PSD4: variants seen among roughly 807,000 people sequenced by gnomAD.
The protein encoded by PSD4 is PH and SEC7 domain-containing protein 4.
Under a neutral mutation model 112.5 loss-of-function variants are expected in PSD4, and 59 were observed. The ratio of observed to expected loss-of-function variants is 0.52; its 90% CI spans 0.43 to 0.65. The LOEUF (loss-of-function observed/expected upper bound fraction) is 0.65. Ranked by LOEUF, PSD4 falls within the 30% of genes least tolerant of loss-of-function variation. PSD4 has a pLI of 0.00. For missense variants in PSD4, 1,267 were observed against 1,352.6 expected, an observed-to-expected ratio of 0.94 and a Z score of 0.99; for synonymous variants, 533 against 540.0, an observed-to-expected ratio of 0.99 and a Z score of 0.18.
chr2:113,199,548 A>G (rs557555593), intron 16 of PSD4, among the ~76,000 whole-genome samples: 1 of 152,306 alleles, frequency 6.6e-6, no homozygotes, highest in South Asian at 2.1e-4. Flanking sequence ...CTAAGAGTAT[A>G]TTTGGCTTTT....
intron 5 of PSD4, 125 bp downstream of exon 5, chr2:113,186,380 T>C: frequency 9.4e-7 from 1 of 1,065,470 alleles, no homozygotes; most frequent in Non-Finnish European, 1.3e-6. Flanking sequence ...TAAGCAAGGA[T>C]TATATGAGTG....
rs948260080 is a variant in PSD4 at position 113,207,867 on chromosome 2, G to C, written c.*6452G>C. ...TCCCCAGGGCCTGATATCTAGAGTC[G>C]AAAGAATGCACATCTCAAAACTATG... On this transcript the variant is annotated 3_prime_UTR_variant, in exon 17 of 17. Transcript: ENST00000245796. The C allele has an allele frequency of 6.6e-6, 1 of 152,082 alleles. No homozygotes were observed. Among genetic ancestry groups the C allele is most frequent in the Admixed American group, 6.6e-5 (1 of 15,258 alleles). 9.4% of individuals were successfully genotyped at this position (152,082 alleles called of 1,614,324 possible).
rs1688618907 is a variant in PSD4, at chr2:113,196,477, G to A, written c.2386+170G>A. ...GAACAGTGACCATGTGCTGGATGCTGTGTGAGGCACTAGAGGGTAGGTAGG... is the reference window on the plus strand; with the variant it reads ...GAACAGTGACCATGTGCTGGATGCTATGTGAGGCACTAGAGGGTAGGTAGG... On this transcript the variant is annotated intron_variant, in intron 12 of 16. Transcript: ENST00000245796. 14 of 856,168 alleles carry A rather than the reference G, an allele frequency of 1.6e-5. No homozygotes were observed. In the South Asian group the frequency reaches 2.0e-4, roughly 12 times the overall value. 53.0% of individuals were successfully genotyped at this position (856,168 alleles called of 1,614,324 possible). A position where few individuals can be genotyped will look rare whatever the true frequency, so the allele number is the denominator to read the frequency against.
At chr2:113,196,361 G>A in intron 12 of PSD4, 54 bp downstream of exon 12, 1 of 1,570,914 alleles carries the variant, frequency 6.4e-7, no homozygotes, top group South Asian at 1.2e-5. Context: ...GCCCTGCTCA[G>A]GGACCTGTGC....
chr2:113,202,757 C>CT lies in PSD4; in HGVS notation c.*1343dup, dbSNP rs1374834272. 1 of 152,504 alleles carries CT rather than the reference C, an allele frequency of 6.6e-6. No individual in the cohort carries two copies. 9.4% of individuals were successfully genotyped at this position (152,504 alleles called of 1,614,324 possible). On this transcript the variant is annotated 3_prime_UTR_variant, in exon 17 of 17. Coordinates refer to ENST00000245796, the MANE Select transcript of PSD4 (RefSeq NM_012455.3). ...ACACACTGCCTCCCCAGCCTTCCTG[C>CT]TAGGCCACCCTCCTCCCTTCCCATG...
At position 113,183,219 on chromosome 2, in the gene PSD4, C is replaced by T. The variant is rs1454818105; in HGVS notation, c.763C>T (p.Pro255Ser). The change falls in exon 2 of 17, where the codon CCT (proline) becomes TCT (serine). Residue 255 changes from proline (P) to serine (S), a missense_variant. Pro to Ser is a moderately conservative substitution (Grantham distance 74). Transcript: ENST00000245796. ...FFSNPLFLAS[P>S]CSENSASGEC... ...CAGCAACCCCCTCTTCCTGGCGAGT[C>T]CTTGCTCAGAGAACAGTGCTTCTGG... The T allele has an allele frequency of 1.2e-6, 2 of 1,614,214 alleles. No homozygotes were observed. The highest frequency in any genetic ancestry group is 2.2e-5 in the East Asian group (1 of 44,884).
Position 113,196,130 on chromosome 2 carries a change from G to A in PSD4, c.2226-17G>A, listed in dbSNP as rs1319541784. 4 of 1,600,494 alleles carry A rather than the reference G, an allele frequency of 2.5e-6. No individual in the cohort carries two copies. The highest frequency in any genetic ancestry group is 3.4e-6 in the Non-Finnish European group (4 of 1,168,916). On this transcript the variant is annotated splice_polypyrimidine_tract_variant and intron_variant, in intron 11 of 16. Transcript: ENST00000245796. Reference sequence around the variant, plus strand: ...TTTGCATAGTCAGCACTTCCAGCCCGATTCTCTGATGTTCAGGGATGAAGA... The same window carrying A: ...TTTGCATAGTCAGCACTTCCAGCCCAATTCTCTGATGTTCAGGGATGAAGA...
At position 113,203,843 on chromosome 2, in the gene PSD4, AACC is replaced by A. The variant is rs1212148629; in HGVS notation, c.*2434_*2436del. 6.6e-6 allele frequency: 1 copy of A among 152,328 alleles called. No homozygotes were observed. The highest frequency in any genetic ancestry group is 1.5e-5 in the Non-Finnish European group (1 of 68,180). The allele number at this position is 152,328 out of a possible 1,614,324, so 9.4% of individuals were successfully genotyped here. ...CCAAAGTGCTGGGATTACAGGCGTGAACCACCACACCTGGCCTATGCATCCTTA... is the reference window on the plus strand; with the variant it reads ...CCAAAGTGCTGGGATTACAGGCGTGAACCACACCTGGCCTATGCATCCTTA... On this transcript the variant is annotated 3_prime_UTR_variant, in exon 17 of 17. Transcript: ENST00000245796.
chr2:113,199,446 C>T (rs1175315252), intron 16 of PSD4, among the ~76,000 whole-genome samples: 1 of 152,268 alleles, frequency 6.6e-6, no homozygotes, highest in Admixed American at 6.5e-5. Context: ...TCCCCACGCA[C>T]TTAGGCCTGT....
chr2:113,194,014 G>C, intron 10 of PSD4, 66 bp downstream of exon 10: 3 of 1,508,250 alleles, frequency 2.0e-6, no homozygotes, highest in Non-Finnish European at 2.7e-6. Context: ...TTTGTTCCAA[G>C]GGAGATGCTG....
chr2:113,196,549 C>CT (rs1346302032), intron 12 of PSD4: 1 of 464,798 alleles, frequency 2.2e-6, no homozygotes, highest in Admixed American at 3.5e-5. Context: ...CCCAGAGTCC[C>CT]TGTAGTAAGG....
Position 113,193,320 on chromosome 2 carries a change from A to C in PSD4, c.1982A>C (p.Gln661Pro), listed in dbSNP as rs1463353048. The stretch of plus-strand genomic sequence containing the variant: ...CAGGAACGGGAGCGAATCCTCTACC[A>C]GTTCTCCAGACGCTTCCACCATTGC... ...ETQERERILYQFSRRFHHCNP... is the reference protein window; with the variant it reads ...ETQERERILYPFSRRFHHCNP... The change falls in exon 8 of 17, where the codon CAG (glutamine) becomes CCG (proline). Residue 661 changes from glutamine to proline, a missense_variant. Physicochemically the swap from Gln to Pro is moderately conservative, Grantham distance 76 (BLOSUM62 -1). Transcript: ENST00000245796. The C allele has an allele frequency of 2.5e-6, 4 of 1,601,412 alleles. No homozygotes were observed. In the African/African-American group the frequency reaches 4.1e-5, roughly 16 times the overall value.
At position 113,199,182 on chromosome 2, in the gene PSD4, G is replaced by C; in HGVS notation, c.2869G>C (p.Glu957Gln). The C allele has an allele frequency of 1.3e-6, 2 of 1,523,096 alleles. No homozygotes were observed. The highest frequency in any genetic ancestry group is 1.8e-6 in the Non-Finnish European group (2 of 1,138,282). 94.3% of individuals were successfully genotyped at this position (1,523,096 alleles called of 1,614,324 possible). ...GCCGGAGCGGCGGGGCCGTGGCCGC[G>C]AGCTGGAGGAGCACCGCCTGCGGAA... ...NLPERRGRGRELEEHRLRKEY... is the reference protein window; with the variant it reads ...NLPERRGRGRQLEEHRLRKEY... Residue 957 changes from glutamate (E) to glutamine (Q), a missense_variant, in exon 16 of 17, where the codon GAG becomes CAG. By Grantham distance (29) the Glu-to-Gln change is conservative. Transcript: ENST00000245796.
chr2:113,186,625 A>G (rs1221613696), intron 5 of PSD4, among the ~76,000 whole-genome samples: 1 of 152,218 alleles, frequency 6.6e-6, no homozygotes, highest in African/African-American at 2.4e-5. Context: ...AGGGAAGTGC[A>G]AGGTCAGAGC....
In PSD4 at chr2:113,179,109, T is replaced by C. The variant is rs182205620; in HGVS notation, c.-111-3237T>C. The stretch of plus-strand genomic sequence containing the variant: ...GAGTCACCTCCTTGCTCACACTCGG[T>C]TGCTCTCCACCAGGCAGGTTTGGGG... On this transcript the variant is annotated intron_variant, in intron 1 of 16. Transcript: ENST00000245796. 1.4e-4 allele frequency among the ~76,000 whole-genome samples: 21 copies of C among 152,296 alleles called. No individual in the cohort carries two copies. The East Asian group carries it at 4.0e-3, about 29-fold the overall frequency.
chr2:113,197,372 G>A (rs895745629), intron 12 of PSD4, 192 bp from the exon 13 acceptor site: 4 of 657,354 alleles, frequency 6.1e-6, no homozygotes, highest in Non-Finnish European at 1.1e-5. Flanking sequence ...GCCTGTGTGT[G>A]GAGAGACTCT....
rs1688381368 is a variant in PSD4 at position 113,189,047 on chromosome 2, TCCTTTAACCG to T, written c.1628+2798_1628+2807del. On this transcript the variant is annotated intron_variant, in intron 5 of 16. Transcript: ENST00000245796. Reference sequence around the variant, plus strand: ...ACTGCACCCTATTTGTAGTCTTTTATCCTTTAACCGCCTTTCACCCTTTACCCCTGAGTCT... The same window carrying T: ...ACTGCACCCTATTTGTAGTCTTTTATCCTTTCACCCTTTACCCCTGAGTCT... Among the ~76,000 whole-genome samples, 4 of 152,182 alleles carry T rather than the reference TCCTTTAACCG, an allele frequency of 2.6e-5. No homozygotes were observed. The South Asian group carries it at 8.3e-4, about 31-fold the overall frequency.
Position 113,195,763 on chromosome 2 carries a change from T to C in PSD4, c.2218T>C (p.Trp740Arg). Reference protein sequence around the residue: ...YWSIRSEKLEWAVDEEDTARP... With the variant: ...YWSIRSEKLERAVDEEDTARP... ...GTCTATCCGCAGCGAGAAGCTCGAG[T>C]GGGCCGTGTGAGTGAGACTCCCTTT... Residue 740 changes from tryptophan (W) to arginine (R), a missense_variant, in exon 11 of 17, where the codon TGG becomes CGG. This residue lies in a region of PSD4 where 544 missense variants were observed against 648.6 expected (regional missense o/e 0.84). Coordinates refer to ENST00000245796, the MANE Select transcript of PSD4 (RefSeq NM_012455.3). The C allele has an allele frequency of 6.2e-7, 1 of 1,614,000 alleles. No individual in the cohort carries two copies. Among genetic ancestry groups the C allele is most frequent in the Admixed American group, 1.7e-5 (1 of 60,012 alleles).
Position 113,193,654 on chromosome 2 carries a change from AG to A in PSD4, c.2091+5del, listed in dbSNP as rs1289774662. On this transcript the variant is annotated splice_donor_5th_base_variant and intron_variant, in intron 9 of 16. Coordinates refer to ENST00000245796, the MANE Select transcript of PSD4 (RefSeq NM_012455.3). ...TAACACGGACCTGCATGGACAGGTAAGACGGTGGAGAGAGTCCCTGTGGGAA... is the reference window on the plus strand; with the variant it reads ...TAACACGGACCTGCATGGACAGGTAAACGGTGGAGAGAGTCCCTGTGGGAA... The A allele has an allele frequency of 6.2e-7, 1 of 1,612,476 alleles. No individual in the cohort carries two copies.
Sources: allele counts gnomAD v4.1 joint callset (sites outside exome capture counted in the v4.1 genomes callset), GRCh38; gene constraint gnomAD v4.1.1; regional missense constraint gnomAD v4.1.1; transcripts MANE v1.5; gene names NCBI Gene and HGNC (gene_info 2026-07-23, HGNC 2026-07-21).